Variants in PROK1 observed in about 807,000 individuals in gnomAD.
PROK1 encodes prokineticin 1, also known as prokineticin-1.
PROK1 carries 10 observed loss-of-function variants against 8.8 expected under a neutral mutation model. The observed-to-expected ratio is 1.13, with a 90% CI of 0.70 to 1.92. The LOEUF (loss-of-function observed/expected upper bound fraction) is 1.92. Ranked by LOEUF, PROK1 falls within the 30% of genes most tolerant of loss-of-function variation. The pLI, the probability that PROK1 is intolerant of heterozygous loss-of-function variation, is 0.00. For synonymous variants in PROK1, 57 were observed against 56.0 expected (o/e 1.02, Z -0.08); for missense variants, 140 against 139.7 (o/e 1.00, Z -0.01).
intron 1 of PROK1, among the ~76,000 whole-genome samples, chr1:110,452,473 G>T (rs115882253): frequency 7.2e-5 from 11 of 152,224 alleles, no homozygotes; most frequent in African/African-American, 2.4e-4. Context: ...GCTGCTGCGC[G>T]GTGAGGGCAG....
Position 110,455,213 on chromosome 1 carries a change from C to T in PROK1, c.199-1019C>T, listed in dbSNP as rs114185413. On this transcript the variant is annotated intron_variant, in intron 2 of 2. Coordinates refer to ENST00000271331, the MANE Select transcript of PROK1 (RefSeq NM_032414.3). ...GCTCTCAGGTGACTTGCTTTCCTCC[C>T]TGGGCCTTGCCCCTCTCCCTACATG... Among the ~76,000 whole-genome samples, 983 of 152,342 alleles carry T rather than the reference C, an allele frequency of 6.5e-3. 14 individuals carry two copies. Among genetic ancestry groups the T allele is most frequent in the African/African-American group, 0.023 (947 of 41,572 alleles).
intron 2 of PROK1, among the ~76,000 whole-genome samples, chr1:110,454,752 A>T (rs529083785): frequency 6.6e-6 from 1 of 152,322 alleles, no homozygotes; most frequent in Non-Finnish European, 1.5e-5. Flanking sequence ...TTATATGATG[A>T]GTGGAGCAAA....
chr1:110,454,586 T>G (rs999523188), intron 2 of PROK1, among the ~76,000 whole-genome samples: 4 of 152,110 alleles, frequency 2.6e-5, no homozygotes, highest in Non-Finnish European at 5.9e-5. Flanking sequence ...TAGTCATACC[T>G]CACTGATGTT....
intron 1 of PROK1, 95 bp downstream of exon 1, chr1:110,451,383 G>A (rs1356188326): frequency 4.7e-6 from 5 of 1,054,478 alleles, no homozygotes; most frequent in African/African-American, 1.6e-5. Flanking sequence ...AGGCTCTGTT[G>A]GCTCAACACA....
At chr1:110,456,143 C>T in intron 2 of PROK1, 89 bp from the exon 3 acceptor site, 1 of 1,458,786 alleles carries the variant, frequency 6.9e-7, no homozygotes, top group Non-Finnish European at 9.5e-7. Flanking sequence ...GGGGGTGAGA[C>T]TTTTGCCAGT....
intron 1 of PROK1, among the ~76,000 whole-genome samples, chr1:110,453,751 A>G (rs1012240949): frequency 4.6e-5 from 7 of 152,220 alleles, no homozygotes; most frequent in African/African-American, 9.6e-5. Context: ...CCTCAGATCC[A>G]GATCCAATGC....
chr1:110,453,696 G>A (rs1393792969), intron 1 of PROK1, among the ~76,000 whole-genome samples: 1 of 152,202 alleles, frequency 6.6e-6, no homozygotes, highest in African/African-American at 2.4e-5. Flanking sequence ...GTCAGAAAAG[G>A]AGGACTGTCT....
At chr1:110,454,240 C>G (rs1664136455) in intron 2 of PROK1, among the ~76,000 whole-genome samples, 154 bp downstream of exon 2, 1 of 152,222 alleles carries the variant, frequency 6.6e-6, no homozygotes, top group Admixed American at 6.5e-5. Context: ...GGACTTCACC[C>G]TCCTCTGATA....
At position 110,456,325 on chromosome 1, in the gene PROK1, A is replaced by G. The variant is rs1469816454; in HGVS notation, c.292A>G (p.Met98Val). ...CCCGGACGGCAGGTACCGCTGCTCC[A>G]TGGACTTGAAGAACATCAATTTTTA... ...RFPDGRYRCS[M>V]DLKNINF is the part of the protein sequence containing the mutation. The change falls in exon 3 of 3, where the codon ATG becomes GTG. Residue 98 changes from methionine (M) to valine (V), a missense_variant. Transcript: ENST00000271331. 1.9e-6 allele frequency: 3 copies of G among 1,614,060 alleles called. No individual in the cohort carries two copies. The highest frequency in any genetic ancestry group is 1.7e-5 in the Admixed American group (1 of 60,024).
At chr1:110,455,131 G>A (rs762626997) in intron 2 of PROK1, among the ~76,000 whole-genome samples, 5 of 152,212 alleles carry the variant, frequency 3.3e-5, no homozygotes, top group African/African-American at 1.2e-4. Flanking sequence ...GCAAATGGTG[G>A]TGGTTCAATC....
intron 2 of PROK1, 40 bp from the exon 3 acceptor site, chr1:110,456,192 A>T: frequency 6.2e-7 from 1 of 1,604,948 alleles, no homozygotes; most frequent in Non-Finnish European, 8.5e-7. Flanking sequence ...AGGCCCACCT[A>T]CCTCCCTTTG....
chr1:110,456,342 C>T lies in PROK1; in HGVS notation c.309C>T (p.Ile103=). 3 of 1,614,032 alleles carry T rather than the reference C, an allele frequency of 1.9e-6. No homozygotes were observed. The highest frequency in any genetic ancestry group is 2.5e-6 in the Non-Finnish European group (3 of 1,180,044). ...GCTGCTCCATGGACTTGAAGAACATCAATTTTTAGGCGCTTGCCTGGTCTC... is the reference window on the plus strand; with the variant it reads ...GCTGCTCCATGGACTTGAAGAACATTAATTTTTAGGCGCTTGCCTGGTCTC... The part of the protein sequence containing the change: ...RYRCSMDLKN[I]NF Residue 103 remains isoleucine, a synonymous_variant, in exon 3 of 3, where the codon ATC becomes ATT. Coordinates refer to ENST00000271331, the MANE Select transcript of PROK1 (RefSeq NM_032414.3).
intron 1 of PROK1, among the ~76,000 whole-genome samples, chr1:110,452,027 T>A (rs780753294): frequency 5.3e-5 from 8 of 152,160 alleles, no homozygotes; most frequent in Admixed American, 2.0e-4. Flanking sequence ...CACCTTCAAA[T>A]AGGGGCACAT....
chr1:110,452,951 C>T (rs1397932427), intron 1 of PROK1, among the ~76,000 whole-genome samples: 6 of 152,184 alleles, frequency 3.9e-5, no homozygotes, highest in Non-Finnish European at 7.3e-5. Context: ...CGTGCCCTTG[C>T]TGGGCTGGAG....
intron 2 of PROK1, among the ~76,000 whole-genome samples, chr1:110,454,832 C>T (rs901818371): frequency 2.0e-5 from 3 of 152,234 alleles, no homozygotes; most frequent in African/African-American, 7.2e-5. Context: ...ATGCCCTTTG[C>T]TCTGTAAGAA....
At position 110,456,502 on chromosome 1, in the gene PROK1, G is replaced by A. The variant is rs2101152318; in HGVS notation, c.*151G>A. On this transcript the variant is annotated 3_prime_UTR_variant, in exon 3 of 3. Transcript: ENST00000271331. ...GTCTAGTACGCACATATGCACACAGGCAGACATACCTCCCATCATGACATG... is the reference window on the plus strand; with the variant it reads ...GTCTAGTACGCACATATGCACACAGACAGACATACCTCCCATCATGACATG... The A allele has an allele frequency of 1.1e-6, 1 of 946,788 alleles. No homozygotes were observed. The highest frequency in any genetic ancestry group is 1.6e-6 in the Non-Finnish European group (1 of 607,986). 58.6% of individuals were successfully genotyped at this position (946,788 alleles called of 1,614,324 possible).
intron 1 of PROK1, among the ~76,000 whole-genome samples, chr1:110,453,485 C>G (rs1259739882): frequency 6.6e-6 from 1 of 152,124 alleles, no homozygotes; most frequent in African/African-American, 2.4e-5. Context: ...GGGGTGCCTC[C>G]ATGCAGAGGG....
At position 110,451,910 on chromosome 1, in the gene PROK1, T is replaced by C. The variant is rs113999540; in HGVS notation, c.72+622T>C. ...CAAGCATCCAGATAACAAGTAGATATCCAGTCTCGAAGCAGAGAAGCAAAG... is the reference window on the plus strand; with the variant it reads ...CAAGCATCCAGATAACAAGTAGATACCCAGTCTCGAAGCAGAGAAGCAAAG... On this transcript the variant is annotated intron_variant, in intron 1 of 2. Coordinates refer to ENST00000271331, the MANE Select transcript of PROK1 (RefSeq NM_032414.3). 6.1e-3 allele frequency among the ~76,000 whole-genome samples: 927 copies of C among 152,244 alleles called. 6 individuals are homozygous for C. The highest frequency in any genetic ancestry group is 7.1e-3 in the African/African-American group (294 of 41,548).
Position 110,451,885 on chromosome 1 carries a change from CA to C in PROK1, c.72+599del, listed in dbSNP as rs757628716. Among the ~76,000 whole-genome samples, 659 of 152,278 alleles carry C rather than the reference CA, an allele frequency of 4.3e-3. 5 individuals carry two copies. The highest frequency in any genetic ancestry group is 6.8e-3 in the Middle Eastern group (2 of 294). ...ACATTCAGCTGAGTGTACCCCAAAG[CA>C]AGCATCCAGATAACAAGTAGATATC... On this transcript the variant is annotated intron_variant, in intron 1 of 2. Transcript: ENST00000271331.
Sources: allele counts gnomAD v4.1 joint callset (sites outside exome capture counted in the v4.1 genomes callset), GRCh38; gene constraint gnomAD v4.1.1; transcripts MANE v1.5; gene names NCBI Gene and HGNC (gene_info 2026-07-23, HGNC 2026-07-21).